Variants in NRG4 observed in about 807,000 individuals in gnomAD.
NRG4 encodes pro-neuregulin-4, membrane-bound isoform.
NRG4 carries 10 observed loss-of-function variants against 15.0 expected under a neutral mutation model. The observed-to-expected ratio is 0.67, with a 90% CI of 0.41 to 1.13. The LOEUF is 1.13. Among genes scored for constraint, NRG4 ranks in the 50% most tolerant of loss-of-function variants. NRG4 has a pLI of 0.00. For missense variants in NRG4, 139 were observed against 140.2 expected, an observed-to-expected ratio of 0.99 and a Z score of 0.04; for synonymous variants, 41 against 50.1, an observed-to-expected ratio of 0.82 and a Z score of 0.77.
rs1022923502 is a variant in NRG4 at position 76,050,447 on chromosome 15, T to G, written c.-105+1620A>C. ...TCACCCCGAGCCTTCGTTTTTTTTT[T>G]TTTTTTTTTTTTGAAACGGAGTCTC... is the stretch of plus-strand genomic sequence containing the variant. On this transcript the variant is annotated intron_variant, in intron 4 of 8. Transcript: ENST00000563910. 2.1e-4 allele frequency among the ~76,000 whole-genome samples: 30 copies of G among 141,802 alleles called. 2 individuals are homozygous for G. Among genetic ancestry groups the G allele is most frequent in the Admixed American group, 6.2e-4 (9 of 14,470 alleles). The allele number at this position is 141,802 out of a possible 152,430, so 93.0% of individuals were successfully genotyped here.
At chr15:76,034,174 T>C (rs959218885) in intron 5 of NRG4, among the ~76,000 whole-genome samples, 1 of 152,258 alleles carries the variant, frequency 6.6e-6, no homozygotes, top group Admixed American at 6.5e-5. Flanking sequence ...TATCTGACCA[T>C]CTGAATAGGC....
At chr15:75,971,311 G>A (rs943366376) in intron 3 of NRG4, 7 of 445,354 alleles carry the variant, frequency 1.6e-5, no homozygotes, top group Non-Finnish European at 2.2e-5. Context: ...TGTAGAAGGT[G>A]ATATAGATCT....
chr15:76,025,510 A>G (rs1349701562), intron 5 of NRG4, among the ~76,000 whole-genome samples: 1 of 152,178 alleles, frequency 6.6e-6, no homozygotes, highest in Admixed American at 6.5e-5. Flanking sequence ...GAAATTCAAT[A>G]AAGAAATAGA....
At chr15:76,049,043 C>T (rs1455600229) in intron 4 of NRG4, among the ~76,000 whole-genome samples, 1 of 149,572 alleles carries the variant, frequency 6.7e-6, no homozygotes. Flanking sequence ...TACTCCGTCA[C>T]ATAAAAGAAA....
intron 3 of NRG4, among the ~76,000 whole-genome samples, chr15:75,992,783 T>C (rs1350067553): frequency 6.6e-6 from 1 of 152,164 alleles, no homozygotes; most frequent in Non-Finnish European, 1.5e-5. Context: ...ATTTTGCAAA[T>C]GGCTTCTTTG....
chr15:76,008,654 A>G (rs334951), intron 3 of NRG4, among the ~76,000 whole-genome samples: 14,651 of 152,148 alleles, frequency 0.096, 1,741 homozygotes, highest in African/African-American at 0.29. Flanking sequence ...GGCTGTATCT[A>G]TACTCCCACA....
At chr15:75,974,832 T>C (rs1181877566) in intron 3 of NRG4, among the ~76,000 whole-genome samples, 3 of 152,224 alleles carry the variant, frequency 2.0e-5, no homozygotes. Context: ...TATATTCTTT[T>C]GATTTGGGAT....
chr15:75,994,409 A>G (rs1233899149), intron 3 of NRG4, among the ~76,000 whole-genome samples: 2 of 152,146 alleles, frequency 1.3e-5, no homozygotes, highest in African/African-American at 4.8e-5. Flanking sequence ...CTATGTGTTG[A>G]ATTGATTAGG....
chr15:76,022,877 A>T (rs1393215778), intron 5 of NRG4, among the ~76,000 whole-genome samples: 1 of 152,130 alleles, frequency 6.6e-6, no homozygotes, highest in Non-Finnish European at 1.5e-5. Context: ...CAGAGAAAGC[A>T]GTTTGGAGGC....
intron 3 of NRG4, among the ~76,000 whole-genome samples, chr15:75,968,585 TAAA>T (rs71140190): frequency 2.6e-4 from 26 of 99,130 alleles, no homozygotes; most frequent in African/African-American, 8.8e-4. Flanking sequence ...AAACTCCATC[TAAA>T]AAAAAAAAAA....
At chr15:75,998,386 A>G (rs1010534624) in intron 3 of NRG4, among the ~76,000 whole-genome samples, 9 of 152,144 alleles carry the variant, frequency 5.9e-5, no homozygotes, top group Admixed American at 1.3e-4. Context: ...AAAGATTGAT[A>G]GTGAAGACTA....
At chr15:75,936,963 G>C (rs545620240), downstream of NRG4, 5 of 152,128 alleles carry the variant, frequency 3.3e-5, no homozygotes, top group Non-Finnish European at 5.9e-5. Flanking sequence ...GATTAATTTA[G>C]AAGAAATTGA....
intron 4 of NRG4, among the ~76,000 whole-genome samples, chr15:76,037,083 T>C (rs559026874): frequency 4.6e-5 from 7 of 152,226 alleles, no homozygotes; most frequent in Admixed American, 2.6e-4. Flanking sequence ...AGTATTTCTA[T>C]ACGCCAAAAG....
intron 3 of NRG4, among the ~76,000 whole-genome samples, chr15:76,006,510 C>T (rs1596015589): frequency 1.3e-5 from 2 of 152,190 alleles, no homozygotes; most frequent in South Asian, 4.1e-4. Context: ...TTGTTCCCTA[C>T]CCCACTCCCC....
rs982962275 is a variant in NRG4, at chr15:75,951,157, T to C, written c.331+4775A>G. 7 of 90,828 alleles carry C rather than the reference T, an allele frequency of 7.7e-5. No homozygotes were observed. The East Asian group carries it at 8.8e-4, about 11-fold the overall frequency. 5.6% of individuals were successfully genotyped at this position (90,828 alleles called of 1,614,324 possible). A position where few individuals can be genotyped will look rare whatever the true frequency, so the allele number is the denominator to read the frequency against. On this transcript the variant is annotated intron_variant, in intron 5 of 5. Coordinates refer to ENST00000394907, the MANE Select transcript of NRG4 (RefSeq NM_138573.4). ...TGGGTGGGTTCTTCTTTTCTTTTTC[T>C]TTTTTCTTTTTTTTTTTTTTTTTTT... is the stretch of plus-strand genomic sequence containing the variant.
At chr15:75,949,193 CAT>C (rs2031728537) in intron 5 of NRG4, among the ~76,000 whole-genome samples, 1 of 152,168 alleles carries the variant, frequency 6.6e-6, no homozygotes, top group South Asian at 2.1e-4. Flanking sequence ...AGGTGGATCA[CAT>C]GAGACCAGAA....
chr15:76,039,554 T>C (rs1056408779), intron 4 of NRG4, among the ~76,000 whole-genome samples: 11 of 152,106 alleles, frequency 7.2e-5, no homozygotes, highest in Non-Finnish European at 1.5e-4. Context: ...AGACAGGCTA[T>C]TTGAAAATAC....
At chr15:75,956,944 G>T (rs2032271969) in intron 4 of NRG4, among the ~76,000 whole-genome samples, 1 of 151,744 alleles carries the variant, frequency 6.6e-6, no homozygotes, top group Admixed American at 6.6e-5. Flanking sequence ...TAACTAATTG[G>T]TTATTTTTAA....
At chr15:76,006,899 A>AGGTATAACAGATAGCT (rs1350724344) in intron 3 of NRG4, among the ~76,000 whole-genome samples, 1 of 152,186 alleles carries the variant, frequency 6.6e-6, no homozygotes, top group African/African-American at 2.4e-5. Context: ...TTATTCAGTG[A>AGGTATAACAGATAGCT]GGTATAACAG....
Sources: allele counts gnomAD v4.1 joint callset (sites outside exome capture counted in the v4.1 genomes callset), GRCh38; gene constraint gnomAD v4.1.1; transcripts MANE v1.5; gene names NCBI Gene and HGNC (gene_info 2026-07-23, HGNC 2026-07-21).